EZH2: variants seen among roughly 807,000 people sequenced by gnomAD.
EZH2 encodes the protein histone-lysine N-methyltransferase EZH2.
EZH2 carries 18 observed loss-of-function variants against 98.4 expected under a neutral mutation model. The ratio of observed to expected loss-of-function variants is 0.18; its 90% confidence interval spans 0.13 to 0.27. The LOEUF (loss-of-function observed/expected upper bound fraction) is 0.27, where lower values mean the gene tolerates loss of function less well. Among genes scored for constraint, EZH2 ranks in the 10% least tolerant of loss-of-function variants. The pLI is 1.00. For synonymous variants in EZH2, 338 were observed against 312.3 expected (o/e 1.08, Z -0.87); for missense variants, 470 against 935.1 (o/e 0.50, Z 6.49).
At chr7:148,821,704 T>C (rs1162660539) in intron 8 of EZH2, among the ~76,000 whole-genome samples, 1 of 152,222 alleles carries the variant, frequency 6.6e-6, no homozygotes, top group Non-Finnish European at 1.5e-5. Context: ...TGCATGCTTG[T>C]AGTCCCAGCT....
At chr7:148,873,420 A>T (rs1281133648) in intron 1 of EZH2, among the ~76,000 whole-genome samples, 3 of 146,252 alleles carry the variant, frequency 2.1e-5, no homozygotes, top group African/African-American at 7.7e-5. Flanking sequence ...GGAACCTGGG[A>T]GGCAGAGACT....
intron 1 of EZH2, among the ~76,000 whole-genome samples, chr7:148,867,720 A>C (rs1233178816): frequency 6.6e-6 from 1 of 152,226 alleles, no homozygotes; most frequent in East Asian, 1.9e-4. Context: ...CAAATTTTCT[A>C]AACTTTTATG....
chr7:148,882,632 T>C (rs1821175049), intron 1 of EZH2, among the ~76,000 whole-genome samples: 1 of 152,078 alleles, frequency 6.6e-6, no homozygotes, highest in Admixed American at 6.6e-5. Context: ...TAATAGAAAA[T>C]AAACTCCAAA....
At chr7:148,848,312 G>A (rs1814737041) in intron 1 of EZH2, among the ~76,000 whole-genome samples, 1 of 152,182 alleles carries the variant, frequency 6.6e-6, no homozygotes, top group Non-Finnish European at 1.5e-5. Flanking sequence ...CCGACAAGGG[G>A]TGACAGAGGC....
At chr7:148,877,541 T>A (rs2129494408) in intron 1 of EZH2, among the ~76,000 whole-genome samples, 1 of 152,296 alleles carries the variant, frequency 6.6e-6, no homozygotes, top group South Asian at 2.1e-4. Context: ...AACCACCTTA[T>A]CAGATGTTAT....
At chr7:148,831,234 TG>T (rs1273614843) in intron 4 of EZH2, among the ~76,000 whole-genome samples, 1 of 152,014 alleles carries the variant, frequency 6.6e-6, no homozygotes, top group East Asian at 1.9e-4. Context: ...AAAGAAAAAG[TG>T]GGATAAAAGG....
chr7:148,861,226 ATC>A (rs945888676), intron 1 of EZH2, among the ~76,000 whole-genome samples: 4 of 128,644 alleles, frequency 3.1e-5, no homozygotes, highest in African/African-American at 1.3e-4. Flanking sequence ...TATTATTTGT[ATC>A]TTTTTTTTTT....
chr7:148,827,014 C>CACAA, intron 7 of EZH2, 150 bp downstream of exon 7: 1 of 581,846 alleles, frequency 1.7e-6, no homozygotes, highest in Non-Finnish European at 3.0e-6. Context: ...TGCAGAGTAC[C>CACAA]ACAAGTACAC....
chr7:148,842,582 G>T (rs559408271), intron 3 of EZH2, among the ~76,000 whole-genome samples: 11 of 152,198 alleles, frequency 7.2e-5, no homozygotes, highest in East Asian at 3.9e-4. Context: ...GTGTGAAGCT[G>T]GATGCTTCTT....
intron 4 of EZH2, 52 bp from the exon 5 acceptor site, chr7:148,829,900 T>C: frequency 7.3e-7 from 1 of 1,365,804 alleles, no homozygotes; most frequent in Non-Finnish European, 1.0e-6. Context: ...GTATCAAATG[T>C]GAAATAACTA....
chr7:148,855,759 G>A (rs1167381059), intron 1 of EZH2, among the ~76,000 whole-genome samples: 4 of 151,818 alleles, frequency 2.6e-5, no homozygotes, highest in Non-Finnish European at 5.9e-5. Flanking sequence ...TTATCCGGGC[G>A]TGGTGATGCA....
intron 5 of EZH2, 134 bp from the exon 6 acceptor site, chr7:148,829,014 G>A (rs1027761825): frequency 8.9e-6 from 8 of 896,084 alleles, no homozygotes; most frequent in Admixed American, 8.7e-5. Context: ...AATGAGGGGA[G>A]GAAAAGATAA....
chr7:148,866,526 A>ACATATATATACGTATATG (rs1818491414), intron 1 of EZH2, among the ~76,000 whole-genome samples: 2 of 104,120 alleles, frequency 1.9e-5, no homozygotes, highest in Non-Finnish European at 4.0e-5. Context: ...ATGTGTATAT[A>ACATATATATACGTATATG]CATATATATA....
intron 1 of EZH2, among the ~76,000 whole-genome samples, chr7:148,882,491 C>A (rs1015682175): frequency 6.6e-6 from 1 of 152,122 alleles, no homozygotes; most frequent in Non-Finnish European, 1.5e-5. Flanking sequence ...ACTTTAGAGA[C>A]CATGAATAGA....
intron 1 of EZH2, among the ~76,000 whole-genome samples, chr7:148,857,327 C>A (rs1179704798): frequency 6.6e-6 from 1 of 152,190 alleles, no homozygotes; most frequent in Non-Finnish European, 1.5e-5. Flanking sequence ...AACCAACCAA[C>A]CAACCAAAGA....
intron 1 of EZH2, among the ~76,000 whole-genome samples, chr7:148,870,346 G>T (rs1251509705): frequency 6.6e-6 from 1 of 152,106 alleles, no homozygotes; most frequent in African/African-American, 2.4e-5. Flanking sequence ...ACACGTTTTA[G>T]ATCAGAATTT....
intron 13 of EZH2, 133 bp from the exon 14 acceptor site, chr7:148,815,172 T>C (rs1804214228): frequency 8.6e-6 from 10 of 1,167,968 alleles, no homozygotes; most frequent in Non-Finnish European, 1.1e-5. Context: ...TGCATAACAT[T>C]ACACATATTC....
chr7:148,874,262 C>T (rs1364437158), intron 1 of EZH2, among the ~76,000 whole-genome samples: 1 of 152,156 alleles, frequency 6.6e-6, no homozygotes, highest in Admixed American at 6.5e-5. Flanking sequence ...GTGGCATGTG[C>T]CTGTGGTCCC....
chr7:148,866,565 T>TATATATACGTATATACAC (rs1818522347), intron 1 of EZH2, among the ~76,000 whole-genome samples: 1 of 143,206 alleles, frequency 7.0e-6, no homozygotes, highest in African/African-American at 2.7e-5. Flanking sequence ...CATATATACA[T>TATATATACGTATATACAC]ATATATACGT....
Sources: gnomAD v4.1 joint callset for allele counts (sites outside exome capture counted in the v4.1 genomes callset) on GRCh38, gnomAD v4.1.1 for gene constraint, MANE v1.5 for transcripts, NCBI Gene and HGNC (gene_info 2026-07-23, HGNC 2026-07-21) for gene names.